The following KYNU variants were observed in gnomAD, a reference collection of about 807,000 sequenced individuals.
KYNU encodes the protein L-kynurenine hydrolase.
In KYNU, 54 loss-of-function variants were observed where a neutral mutation model predicts 59.2. That is an observed-to-expected ratio of 0.91 (90% CI 0.73 to 1.14). KYNU has a LOEUF of 1.14. Among genes scored for constraint, KYNU ranks in the 50% most tolerant of loss-of-function variants. KYNU has a pLI of 0.00. For missense variants in KYNU, 567 were observed against 554.4 expected (o/e 1.02, Z -0.23); for synonymous variants, 177 against 192.0 (o/e 0.92, Z 0.65).
chr2:142,936,917 C>T (rs957078100), intron 4 of KYNU, among the ~76,000 whole-genome samples: 2 of 152,120 alleles, frequency 1.3e-5, no homozygotes, highest in Non-Finnish European at 2.9e-5. Context: ...TGGTTTGAAA[C>T]CCAAGAGCGC....
chr2:142,913,701 A>G (rs1209219522), intron 2 of KYNU, among the ~76,000 whole-genome samples: 2 of 152,214 alleles, frequency 1.3e-5, no homozygotes, highest in South Asian at 4.1e-4. Flanking sequence ...GTAGATGTCT[A>G]TTAGGTCCCA....
At position 143,046,679 on chromosome 2, in the gene KYNU, A is replaced by T. The variant is rs879684031; in HGVS notation, c.*4507A>T. The T allele has an allele frequency of 2.0e-5, 3 of 152,032 alleles. No homozygotes were observed. Among genetic ancestry groups the T allele is most frequent in the Non-Finnish European group, 4.4e-5 (3 of 68,010 alleles). The allele number at this position is 152,032 out of a possible 1,614,324, so 9.4% of individuals were successfully genotyped here. A position where few individuals can be genotyped will look rare whatever the true frequency, so the allele number is the denominator to read the frequency against. On this transcript the variant is annotated 3_prime_UTR_variant, in exon 14 of 14. Transcript: ENST00000264170. ...TCATCAATACTTCACTTCCTTAATT[A>T]CTACAACATAGCAGGGCCTGGCATC... is the stretch of plus-strand genomic sequence containing the variant.
At chr2:143,033,499 T>C (rs577963808) in intron 12 of KYNU, among the ~76,000 whole-genome samples, 178 bp downstream of exon 12, 3 of 152,324 alleles carry the variant, frequency 2.0e-5, no homozygotes, top group Middle Eastern at 3.4e-3. Flanking sequence ...GGGTCTCCCT[T>C]CATTCATGTC....
At chr2:143,021,824 A>G (rs897323233) in intron 10 of KYNU, among the ~76,000 whole-genome samples, 2 of 152,154 alleles carry the variant, frequency 1.3e-5, no homozygotes, top group African/African-American at 4.8e-5. Context: ...TCCACATTAT[A>G]TCAACTGAGA....
rs953416929 is a variant in KYNU, at chr2:143,053,540, C to G, written c.*11368C>G. On this transcript the variant is annotated 3_prime_UTR_variant, in exon 14 of 14. Transcript: ENST00000264170. ...GAATTTCTATGTGTTTGGAGAGGTA[C>G]CCGGTGGGAGGTAATTGAATCATGA... 1 of 152,232 alleles carries G rather than the reference C, an allele frequency of 6.6e-6. No homozygotes were observed. The highest frequency in any genetic ancestry group is 2.1e-4 in the South Asian group (1 of 4,820). The allele number at this position is 152,232 out of a possible 1,614,324, so 9.4% of individuals were successfully genotyped here.
chr2:143,033,442 A>G lies in KYNU; in HGVS notation c.1041+121A>G. On this transcript the variant is annotated intron_variant, in intron 12 of 13. Transcript: ENST00000264170. ...GATACATGTGCACTGTGCATGAACAAGGGACAGAAGGCAGCATTCCCCTTT... is the reference window on the plus strand; with the variant it reads ...GATACATGTGCACTGTGCATGAACAGGGGACAGAAGGCAGCATTCCCCTTT... The G allele has an allele frequency of 2.4e-6, 2 of 817,296 alleles. 1 individual carries two copies. The highest frequency in any genetic ancestry group is 2.7e-5 in the South Asian group (2 of 74,128). The allele number at this position is 817,296 out of a possible 1,614,324, so 50.6% of individuals were successfully genotyped here.
intron 2 of KYNU, among the ~76,000 whole-genome samples, chr2:142,894,211 T>C (rs936622110): frequency 9.9e-5 from 15 of 152,168 alleles, no homozygotes; most frequent in Non-Finnish European, 2.1e-4. Context: ...CTAAGGAGTG[T>C]GTGCAAGTAG....
intron 2 of KYNU, among the ~76,000 whole-genome samples, chr2:142,910,599 G>A (rs79599934): frequency 0.011 from 1,630 of 152,112 alleles, 33 homozygotes; most frequent in African/African-American, 0.038. Context: ...TTGTCAGTTT[G>A]GGGGGTTTTT....
intron 10 of KYNU, among the ~76,000 whole-genome samples, chr2:143,003,095 G>A (rs541408771): frequency 1.3e-5 from 2 of 152,182 alleles, no homozygotes; most frequent in South Asian, 2.1e-4. Flanking sequence ...CCATGCTTGC[G>A]GAAAGAATGG....
At chr2:142,973,003 C>T (rs1684777136) in intron 8 of KYNU, among the ~76,000 whole-genome samples, 1 of 148,886 alleles carries the variant, frequency 6.7e-6, no homozygotes, top group Admixed American at 6.7e-5. Flanking sequence ...ACCAATTTGC[C>T]ATTACATGAT....
chr2:142,927,129 T>C (rs925241676), intron 3 of KYNU, among the ~76,000 whole-genome samples: 2 of 152,198 alleles, frequency 1.3e-5, no homozygotes, highest in African/African-American at 4.8e-5. Context: ...TGCTAGCAAA[T>C]ATGTCAAACC....
At chr2:142,902,057 T>C (rs1682114484) in intron 2 of KYNU, among the ~76,000 whole-genome samples, 1 of 152,236 alleles carries the variant, frequency 6.6e-6, no homozygotes, top group Admixed American at 6.5e-5. Flanking sequence ...AACGATTGTC[T>C]GACAGCCACA....
At position 143,042,247 on chromosome 2, in the gene KYNU, A is replaced by G; in HGVS notation, c.*75A>G. 7 of 1,408,818 alleles carry G rather than the reference A, an allele frequency of 5.0e-6. No individual in the cohort carries two copies. Among genetic ancestry groups the G allele is most frequent in the Non-Finnish European group, 6.9e-6 (7 of 1,008,818 alleles). 87.3% of individuals were successfully genotyped at this position (1,408,818 alleles called of 1,614,324 possible). A position where few individuals can be genotyped will look rare whatever the true frequency, so the allele number is the denominator to read the frequency against. On this transcript the variant is annotated 3_prime_UTR_variant, in exon 14 of 14. Transcript: ENST00000264170. Reference sequence around the variant, plus strand: ...TTATTTCAGTATTATTCGATTTTTAATTATTGAAAGTATGTCACCATTGAC... The same window carrying G: ...TTATTTCAGTATTATTCGATTTTTAGTTATTGAAAGTATGTCACCATTGAC...
Position 142,885,383 on chromosome 2 carries a change from CTT to C in KYNU, c.17_18del (p.Leu6ArgfsTer5). On this transcript the variant is annotated frameshift_variant, in exon 2 of 14. Transcript: ENST00000264170. LOFTEE classifies it high-confidence loss of function. MEPSS[L>X]ELPADTVQRI... ...ACAACTTGTAATGGAGCCTTCATCT[CTT>C]GAGCTGCCGGCTGACACAGTGCAGC... 1 of 1,614,004 alleles carries C rather than the reference CTT, an allele frequency of 6.2e-7. No homozygotes were observed. The highest frequency in any genetic ancestry group is 2.2e-5 in the East Asian group (1 of 44,832).
intron 10 of KYNU, chr2:142,988,760 A>G (rs1313304900): frequency 3.2e-6 from 3 of 923,716 alleles, no homozygotes; most frequent in Admixed American, 3.4e-5. Context: ...AAGTGATGTC[A>G]GTGACTGATC....
rs372144733 is a variant in KYNU, at chr2:142,985,112, A to G, written c.758A>G (p.His253Arg). The G allele has an allele frequency of 7.5e-5, 121 of 1,610,838 alleles. No homozygotes were observed. Among genetic ancestry groups the G allele is most frequent in the Non-Finnish European group, 1.0e-4 (119 of 1,177,482 alleles). The change falls in exon 9 of 14, where the codon CAT becomes CGT. Residue 253 changes from histidine to arginine, a missense_variant. Physicochemically the swap from His to Arg is conservative, Grantham distance 29. Coordinates refer to ENST00000264170, the MANE Select transcript of KYNU (RefSeq NM_003937.3). ...TGTTATGTTGGCTTTGATCTAGCAC[A>G]TGCAGTTGGAAATGTTGAACTCTAC... ...KGCYVGFDLA[H>R]AVGNVELYLH... is the part of the protein sequence containing the mutation.
At chr2:142,936,183 G>A (rs1683384844) in intron 4 of KYNU, among the ~76,000 whole-genome samples, 1 of 152,122 alleles carries the variant, frequency 6.6e-6, no homozygotes, top group African/African-American at 2.4e-5. Context: ...AATTGTAGAG[G>A]TCGGGCTGTG....
At chr2:142,996,101 T>A (rs1304864228) in intron 10 of KYNU, among the ~76,000 whole-genome samples, 1 of 152,062 alleles carries the variant, frequency 6.6e-6, no homozygotes, top group African/African-American at 2.4e-5. Flanking sequence ...CTAGGGGACT[T>A]ATGAACCCAT....
At chr2:142,881,767 C>T (rs190549487) in intron 1 of KYNU, among the ~76,000 whole-genome samples, 163 of 152,058 alleles carry the variant, frequency 1.1e-3, no homozygotes, top group African/African-American at 3.7e-3. Context: ...TTTTTTTAAA[C>T]AGTCATGCTC....
Sources: gnomAD v4.1 joint callset for allele counts (sites outside exome capture counted in the v4.1 genomes callset) on GRCh38, gnomAD v4.1.1 for gene constraint, MANE v1.5 for transcripts, NCBI Gene and HGNC (gene_info 2026-07-23, HGNC 2026-07-21) for gene names.